Variants in GRID2 observed in about 807,000 individuals in gnomAD.
The protein encoded by GRID2 is glutamate ionotropic receptor delta type subunit 2, also known as glutamate receptor ionotropic, delta-2.
In GRID2, 33 loss-of-function variants were observed where a neutral mutation model predicts 114.8. The ratio of observed to expected loss-of-function variants is 0.29; its 90% CI spans 0.22 to 0.38. The LOEUF (loss-of-function observed/expected upper bound fraction) is 0.38, where lower values mean the gene tolerates loss of function less well. Ranked by LOEUF, GRID2 falls within the 10% of genes least tolerant of loss-of-function variation. The probability of loss-of-function intolerance (pLI) is 1.00; values close to 1 mark genes in which losing one functional copy is unlikely to be tolerated. For synonymous variants in GRID2, 505 were observed against 449.9 expected (o/e 1.12, Z -1.55); for missense variants, 1,184 against 1,257.7 (o/e 0.94, Z 0.89).
chr4:92,803,853 C>T (rs1740286975), intron 2 of GRID2, among the ~76,000 whole-genome samples: 4 of 152,010 alleles, frequency 2.6e-5, no homozygotes, highest in Admixed American at 2.0e-4. Context: ...TTTATTCTCT[C>T]TCAGTTCTGG....
In GRID2 at chr4:93,360,833, A is replaced by AT. The variant is rs534715194; in HGVS notation, c.1246-34766dup. 7.7e-4 allele frequency among the ~76,000 whole-genome samples: 117 copies of AT among 151,384 alleles called. 1 individual carries two copies. Among genetic ancestry groups the AT allele is most frequent in the South Asian group, 7.5e-3 (36 of 4,788 alleles). Reference sequence around the variant, plus strand: ...TTATAGATGATTAGTGCCATTTTAAATTTTTTTTACTCCACATGCAATTTT... The same window carrying AT: ...TTATAGATGATTAGTGCCATTTTAAATTTTTTTTTACTCCACATGCAATTTT... On this transcript the variant is annotated intron_variant, in intron 8 of 15. Transcript: ENST00000282020.
At chr4:93,481,891 A>G (rs1231547167) in intron 11 of GRID2, among the ~76,000 whole-genome samples, 1 of 151,980 alleles carries the variant, frequency 6.6e-6, no homozygotes, top group African/African-American at 2.4e-5. Context: ...TGATGGAGGG[A>G]GGAAGGTCAA....
At chr4:93,221,842 G>A (rs182863681) in intron 6 of GRID2, among the ~76,000 whole-genome samples, 250 of 152,196 alleles carry the variant, frequency 1.6e-3, no homozygotes, top group Middle Eastern at 0.014. Flanking sequence ...ATGAGGAGAC[G>A]TAGTCATTTA....
At chr4:92,604,093 A>T (rs989801925) in intron 2 of GRID2, among the ~76,000 whole-genome samples, 3 of 152,028 alleles carry the variant, frequency 2.0e-5, no homozygotes, top group African/African-American at 7.2e-5. Flanking sequence ...GTTGGTGGGA[A>T]TGCAAATCAG....
chr4:93,002,089 A>G (rs531196724), intron 2 of GRID2, among the ~76,000 whole-genome samples: 22 of 151,740 alleles, frequency 1.4e-4, no homozygotes, highest in Non-Finnish European at 3.0e-4. Context: ...TATACGTGGT[A>G]CAGCTACATT....
intron 8 of GRID2, among the ~76,000 whole-genome samples, chr4:93,318,022 T>TATATATATATATATATATATATATATA (rs3043886): frequency 2.2e-4 from 29 of 134,064 alleles, no homozygotes; most frequent in South Asian, 4.8e-4. Flanking sequence ...TATATATATA[T>TATATATATATATATATATATATATATA]TACTACTTTC....
At chr4:92,735,698 A>C (rs1736557899) in intron 2 of GRID2, among the ~76,000 whole-genome samples, 1 of 152,134 alleles carries the variant, frequency 6.6e-6, no homozygotes, top group Admixed American at 6.6e-5. Flanking sequence ...CAATTGTATG[A>C]ATGTTTCCTA....
intron 2 of GRID2, among the ~76,000 whole-genome samples, chr4:92,868,756 G>A (rs1022770666): frequency 6.6e-5 from 10 of 151,836 alleles, no homozygotes; most frequent in South Asian, 4.2e-4. Flanking sequence ...AATGAAATCT[G>A]TAGAAACACC....
intron 4 of GRID2, chr4:93,203,842 G>A (rs1426272561): frequency 2.6e-5 from 4 of 152,160 alleles, no homozygotes; most frequent in Non-Finnish European, 2.9e-5. Context: ...ATCCTACTAA[G>A]CTGGAATGGA....
intron 2 of GRID2, among the ~76,000 whole-genome samples, chr4:93,062,706 C>T (rs1419955173): frequency 6.6e-6 from 1 of 151,830 alleles, no homozygotes; most frequent in African/African-American, 2.4e-5. Flanking sequence ...TTAAAATAAA[C>T]CTTTAGATAG....
chr4:93,440,866 T>C lies in GRID2; in HGVS notation c.1546-14796T>C, dbSNP rs116479616. 8.1e-3 allele frequency among the ~76,000 whole-genome samples: 1,226 copies of C among 152,196 alleles called. 12 individuals carry two copies. The highest frequency in any genetic ancestry group is 0.028 in the African/African-American group (1,181 of 41,550). ...ATAAAGAACTTGAATCATTAAGTAC[T>C]TGGCCTAATAGATGGCAAGCGCAGA... On this transcript the variant is annotated intron_variant, in intron 10 of 15. Coordinates refer to ENST00000282020, the MANE Select transcript of GRID2 (RefSeq NM_001510.4).
intron 12 of GRID2, among the ~76,000 whole-genome samples, chr4:93,494,229 A>G (rs1162846585): frequency 6.6e-6 from 1 of 151,890 alleles, no homozygotes; most frequent in East Asian, 1.9e-4. Flanking sequence ...GCTGCAGTGC[A>G]TGTCAATGTA....
At chr4:92,908,493 C>T (rs929544001) in intron 2 of GRID2, among the ~76,000 whole-genome samples, 41 of 143,902 alleles carry the variant, frequency 2.8e-4, no homozygotes, top group African/African-American at 1.0e-3. Context: ...ACCTGGGAGG[C>T]GGAGCTTGCA....
intron 4 of GRID2, among the ~76,000 whole-genome samples, chr4:93,122,890 GTTTTTTT>G (rs886185779): frequency 1.4e-5 from 1 of 69,804 alleles, no homozygotes; most frequent in Non-Finnish European, 2.5e-5. Context: ...ACAGATGTGG[GTTTTTTT>G]TTTTTTTTTT....
chr4:92,546,407 C>T (rs1186932156), intron 1 of GRID2, among the ~76,000 whole-genome samples: 1 of 152,064 alleles, frequency 6.6e-6, no homozygotes, highest in Non-Finnish European at 1.5e-5. Context: ...AAGCAACGGC[C>T]CATAAAAAGA....
At chr4:92,489,566 C>T (rs1723052437) in intron 1 of GRID2, among the ~76,000 whole-genome samples, 1 of 152,062 alleles carries the variant, frequency 6.6e-6, no homozygotes, top group Non-Finnish European at 1.5e-5. Context: ...TAAATAAGGG[C>T]CGGGCACGGT....
At chr4:92,575,552 T>C (rs959232096) in intron 1 of GRID2, among the ~76,000 whole-genome samples, 1 of 152,156 alleles carries the variant, frequency 6.6e-6, no homozygotes, top group Admixed American at 6.5e-5. Flanking sequence ...CTTGCTGCAG[T>C]TTGATGGGGG....
chr4:93,115,684 GAATC>G (rs949606555), intron 4 of GRID2, among the ~76,000 whole-genome samples: 18 of 152,138 alleles, frequency 1.2e-4, no homozygotes, highest in Non-Finnish European at 2.4e-4. Flanking sequence ...GGAGGCCTCA[GAATC>G]ATGGTGGAAG....
chr4:92,450,442 A>T (rs1579386667), intron 1 of GRID2, among the ~76,000 whole-genome samples: 2 of 152,114 alleles, frequency 1.3e-5, no homozygotes, highest in Non-Finnish European at 2.9e-5. Context: ...AATGAAGGCA[A>T]AAAAGGTCCA....
Sources: allele counts gnomAD v4.1 joint callset (sites outside exome capture counted in the v4.1 genomes callset), GRCh38; gene constraint gnomAD v4.1.1; transcripts MANE v1.5; gene names NCBI Gene and HGNC (gene_info 2026-07-23, HGNC 2026-07-21).